The following DSCAM variants were observed in gnomAD, a reference collection of about 807,000 sequenced individuals.
DSCAM encodes cell adhesion molecule DSCAM.
Under a neutral mutation model 217.7 loss-of-function variants are expected in DSCAM, and 47 were observed. The ratio of observed to expected loss-of-function variants is 0.22; its 90% CI spans 0.17 to 0.28. DSCAM has a LOEUF of 0.28. Ranked by LOEUF, DSCAM falls within the 10% of genes least tolerant of loss-of-function variation. The pLI is 1.00. For synonymous variants in DSCAM, 1,056 were observed against 1,015.3 expected (o/e 1.04, Z -0.76); for missense variants, 2,080 against 2,618.3 (o/e 0.79, Z 4.49).
chr21:40,470,353 C>T (rs1457866434), intron 3 of DSCAM, among the ~76,000 whole-genome samples: 4 of 152,292 alleles, frequency 2.6e-5, no homozygotes, highest in Admixed American at 1.3e-4. Context: ...CTGTATGCCA[C>T]GGAAACGTGG....
intron 3 of DSCAM, among the ~76,000 whole-genome samples, chr21:40,476,026 C>T (rs936289728): frequency 5.9e-5 from 9 of 152,110 alleles, no homozygotes; most frequent in Non-Finnish European, 1.3e-4. Flanking sequence ...TGGGTGGGTG[C>T]TTCACTCCCA....
At chr21:40,097,993 A>AT in intron 20 of DSCAM, among the ~76,000 whole-genome samples, 1 of 148,586 alleles carries the variant, frequency 6.7e-6, no homozygotes, top group Non-Finnish European at 1.5e-5. Context: ...AAAGAAAGAA[A>AT]GAAAGAAAGA....
intron 1 of DSCAM, among the ~76,000 whole-genome samples, chr21:40,731,629 G>C (rs1282948045): frequency 6.6e-6 from 1 of 151,850 alleles, no homozygotes; most frequent in East Asian, 1.9e-4. Flanking sequence ...CCCTTTGTGT[G>C]TGTGTCCTAA....
chr21:40,403,903 T>C (rs1053109174), intron 3 of DSCAM, among the ~76,000 whole-genome samples: 6 of 152,192 alleles, frequency 3.9e-5, no homozygotes, highest in Non-Finnish European at 7.4e-5. Context: ...GAAAATAATA[T>C]GAAAATCAGG....
chr21:40,064,940 C>T (rs1251022530), intron 27 of DSCAM, among the ~76,000 whole-genome samples: 1 of 152,068 alleles, frequency 6.6e-6, no homozygotes, highest in Non-Finnish European at 1.5e-5. Context: ...ACCAGGCAAT[C>T]CAGAATGCTC....
At chr21:40,602,051 T>C (rs190053880) in intron 3 of DSCAM, among the ~76,000 whole-genome samples, 3 of 148,306 alleles carry the variant, frequency 2.0e-5, no homozygotes, top group Admixed American at 1.3e-4. Context: ...CCTCTGCTTC[T>C]ACTTTTTTTT....
chr21:40,142,613 C>T lies in DSCAM; in HGVS notation c.3351G>A (p.Leu1117=), dbSNP rs868226190. The T allele has an allele frequency of 6.2e-7, 1 of 1,614,120 alleles. No homozygotes were observed. The highest frequency in any genetic ancestry group is 8.5e-7 in the Non-Finnish European group (1 of 1,180,024). The change falls in exon 18 of 33, where the codon TTG becomes TTA. Residue 1117 remains leucine (L), a synonymous_variant. Coordinates refer to ENST00000400454, the MANE Select transcript of DSCAM (RefSeq NM_001389.5). ...CTCTGAACCCCTGGAGAATTCCATTCAAGGCTTCCTTGGAAAGTGTGGACC... is the reference window on the plus strand; with the variant it reads ...CTCTGAACCCCTGGAGAATTCCATTTAAGGCTTCCTTGGAAAGTGTGGACC... ...ISWSTLSKEA[L]NGILQGFRVI...
chr21:40,195,015 T>A (rs1376512537), intron 11 of DSCAM, among the ~76,000 whole-genome samples: 1 of 152,210 alleles, frequency 6.6e-6, no homozygotes, highest in African/African-American at 2.4e-5. Context: ...GTACAAGAGA[T>A]ACTGAGAAGA....
chr21:40,424,517 C>T (rs2075454245), intron 3 of DSCAM, among the ~76,000 whole-genome samples: 1 of 152,174 alleles, frequency 6.6e-6, no homozygotes, highest in Non-Finnish European at 1.5e-5. Context: ...AAGGACCTCT[C>T]CAGAACTGTC....
intron 4 of DSCAM, among the ~76,000 whole-genome samples, chr21:40,361,073 T>C (rs1232694499): frequency 1.3e-5 from 2 of 152,110 alleles, no homozygotes; most frequent in African/African-American, 4.8e-5. Flanking sequence ...CCGAACGGCA[T>C]TGTCTTTCAT....
At chr21:40,713,232 A>C (rs2146492544) in intron 1 of DSCAM, among the ~76,000 whole-genome samples, 1 of 152,246 alleles carries the variant, frequency 6.6e-6, no homozygotes, top group Middle Eastern at 3.4e-3. Context: ...CACCAATGAA[A>C]ACTCTAACTT....
intron 3 of DSCAM, among the ~76,000 whole-genome samples, chr21:40,559,951 G>A (rs1367128692): frequency 6.6e-6 from 1 of 151,740 alleles, no homozygotes; most frequent in Non-Finnish European, 1.5e-5. Flanking sequence ...CAACTACCAT[G>A]CCCGGCTAAT....
At chr21:40,602,233 T>C (rs1395130556) in intron 3 of DSCAM, among the ~76,000 whole-genome samples, 1 of 151,964 alleles carries the variant, frequency 6.6e-6, no homozygotes. Flanking sequence ...GATAATTATT[T>C]GTATTTTTTG....
intron 3 of DSCAM, among the ~76,000 whole-genome samples, chr21:40,644,772 T>C (rs2089924248): frequency 6.6e-6 from 1 of 152,252 alleles, no homozygotes; most frequent in Non-Finnish European, 1.5e-5. Context: ...GCTTCATTCC[T>C]TGTTGCATTT....
At chr21:40,139,975 ATGTGTGG>A (rs2090269542) in intron 18 of DSCAM, among the ~76,000 whole-genome samples, 1 of 146,808 alleles carries the variant, frequency 6.8e-6, no homozygotes, top group African/African-American at 2.5e-5. Context: ...TGTGTGTGGT[ATGTGTGG>A]TGTGTGGTGT....
chr21:40,801,234 T>C (rs1219996187), intron 1 of DSCAM, among the ~76,000 whole-genome samples: 1 of 152,166 alleles, frequency 6.6e-6, no homozygotes, highest in Non-Finnish European at 1.5e-5. Context: ...AAGGAAAATA[T>C]AAAAGGAGCT....
In DSCAM at chr21:40,580,367, T is replaced by C. The variant is rs1446744699; in HGVS notation, c.508+112443A>G. ...GGCCAACATGGTGAAACCCCGTCTC[T>C]ACTAAAAATACAAAAATTAGCCAGG... On this transcript the variant is annotated intron_variant, in intron 3 of 32. Coordinates refer to ENST00000400454, the MANE Select transcript of DSCAM (RefSeq NM_001389.5). 2.0e-5 allele frequency among the ~76,000 whole-genome samples: 3 copies of C among 152,044 alleles called. No individual in the cohort carries two copies. The East Asian group carries it at 5.9e-4, about 30-fold the overall frequency.
intron 11 of DSCAM, among the ~76,000 whole-genome samples, chr21:40,227,474 A>AT (rs1230611459): frequency 1.3e-5 from 2 of 152,176 alleles, no homozygotes; most frequent in Non-Finnish European, 2.9e-5. Context: ...AGTAGACAAC[A>AT]TTTGGGGTAA....
chr21:40,637,606 A>ATATATATCT lies in DSCAM; in HGVS notation c.508+55203_508+55204insAGATATATA, dbSNP rs2089815758. On this transcript the variant is annotated intron_variant, in intron 3 of 32. Coordinates refer to ENST00000400454, the MANE Select transcript of DSCAM (RefSeq NM_001389.5). ...ATATACATATATAAATATATATATA[A>ATATATATCT]ATATATATAAATATATACATATATA... Among the ~76,000 whole-genome samples, 10 of 36,770 alleles carry ATATATATCT rather than the reference A, an allele frequency of 2.7e-4. 1 individual carries two copies. The East Asian group carries it at 7.1e-3, about 26-fold the overall frequency. 24.1% of individuals were successfully genotyped at this position (36,770 alleles called of 152,430 possible).
Sources: allele counts gnomAD v4.1 joint callset (sites outside exome capture counted in the v4.1 genomes callset), GRCh38; gene constraint gnomAD v4.1.1; transcripts MANE v1.5; gene names NCBI Gene and HGNC (gene_info 2026-07-23, HGNC 2026-07-21).